The following EML1 variants were observed in gnomAD, a reference collection of about 807,000 sequenced individuals.
The protein encoded by EML1 is echinoderm microtubule-associated protein-like 1.
In EML1, 27 loss-of-function variants were observed where a neutral mutation model predicts 110.4. The ratio of observed to expected loss-of-function variants is 0.24; its 90% CI spans 0.18 to 0.34. The LOEUF (loss-of-function observed/expected upper bound fraction) is 0.34, where lower values mean the gene tolerates loss of function less well. Among genes scored for constraint, EML1 ranks in the 10% least tolerant of loss-of-function variants. The pLI is 1.00. For synonymous variants in EML1, 344 were observed against 385.8 expected, an observed-to-expected ratio of 0.89 and a Z score of 1.27; for missense variants, 741 against 1,030.9, an observed-to-expected ratio of 0.72 and a Z score of 3.85.
chr14:99,920,704 T>C (rs1445759598), intron 16 of EML1, 85 bp from the exon 17 acceptor site: 6 of 1,067,534 alleles, frequency 5.6e-6, no homozygotes, highest in Non-Finnish European at 8.1e-6. Context: ...CTTTTATGAT[T>C]AACAATTTTT....
At chr14:99,804,536 G>A (rs1170652831) in intron 1 of EML1, among the ~76,000 whole-genome samples, 3 of 152,170 alleles carry the variant, frequency 2.0e-5, no homozygotes, top group Admixed American at 1.3e-4. Context: ...CAGAGCTGGG[G>A]TTTGAAGCCA....
chr14:99,917,525 A>G (rs140679780), intron 15 of EML1, among the ~76,000 whole-genome samples: 64 of 152,220 alleles, frequency 4.2e-4, no homozygotes, highest in African/African-American at 1.5e-3. Flanking sequence ...ATGCCATTGT[A>G]CTCCAGCCTG....
At chr14:99,875,731 G>A (rs1311004332) in intron 3 of EML1, among the ~76,000 whole-genome samples, 1 of 152,180 alleles carries the variant, frequency 6.6e-6, no homozygotes, top group African/African-American at 2.4e-5. Flanking sequence ...ATCCTGCTAA[G>A]TCAAATTAGC....
chr14:99,925,893 C>A (rs924616350), intron 17 of EML1, among the ~76,000 whole-genome samples: 5 of 152,180 alleles, frequency 3.3e-5, no homozygotes, highest in African/African-American at 1.2e-4. Context: ...GCCCTCCCCA[C>A]CCAACTGCCC....
At chr14:99,920,653 A>G in intron 16 of EML1, 136 bp from the exon 17 acceptor site, 1 of 668,620 alleles carries the variant, frequency 1.5e-6, no homozygotes, top group African/African-American at 1.8e-5. Context: ...GAAAGCTGGG[A>G]ACAAGCTTTC....
chr14:99,863,269 T>G (rs2059032759), intron 2 of EML1, among the ~76,000 whole-genome samples: 1 of 152,186 alleles, frequency 6.6e-6, no homozygotes, highest in Non-Finnish European at 1.5e-5. Flanking sequence ...CCAAAATGAC[T>G]TAGGTCAGCA....
At chr14:99,850,115 A>G (rs893875657) in intron 1 of EML1, 1 of 310,882 alleles carries the variant, frequency 3.2e-6, no homozygotes, top group Non-Finnish European at 6.1e-6. Context: ...TTTTTTTGGT[A>G]TTTTGTAGAG....
upstream of EML1, among the ~76,000 whole-genome samples, chr14:99,788,645 G>T (rs2057626330): frequency 6.6e-6 from 1 of 152,106 alleles, no homozygotes. Context: ...GTGTGTGTGT[G>T]TGTGTATGTG....
chr14:99,885,740 A>G, intron 4 of EML1: 1 of 339,006 alleles, frequency 2.9e-6, no homozygotes, highest in Non-Finnish European at 5.8e-6. Flanking sequence ...CTGGAAATAC[A>G]AAGGTTTTTG....
intron 3 of EML1, among the ~76,000 whole-genome samples, chr14:99,871,205 C>T (rs1180763304): frequency 6.6e-6 from 1 of 152,200 alleles, no homozygotes; most frequent in Non-Finnish European, 1.5e-5. Context: ...GATCTGCCCT[C>T]CTCGGCCTCT....
In EML1 at chr14:99,929,790, G is replaced by A. The variant is rs563739451; in HGVS notation, c.1910-6239G>A. On this transcript the variant is annotated intron_variant, in intron 17 of 21. Transcript: ENST00000262233. Reference sequence around the variant, plus strand: ...TTCAGAAACCTGCTGCCAAGATCCCGGCCGAGATCTGTAGCCCATCTCCAA... The same window carrying A: ...TTCAGAAACCTGCTGCCAAGATCCCAGCCGAGATCTGTAGCCCATCTCCAA... Among the ~76,000 whole-genome samples the A allele has an allele frequency of 3.9e-5, 6 of 152,284 alleles. No individual in the cohort carries two copies. The East Asian group carries it at 7.7e-4, about 20-fold the overall frequency.
At chr14:99,737,806 G>A in exon 1 of EML1, 1 of 1,289,208 alleles carries the variant, frequency 7.8e-7, no homozygotes, top group East Asian at 5.6e-5. Context: ...CAGGCTGGTG[G>A]CCAGCCGGCC....
At chr14:99,866,630 A>G (rs991334345) in intron 3 of EML1, among the ~76,000 whole-genome samples, 6 of 150,460 alleles carry the variant, frequency 4.0e-5, no homozygotes, top group Non-Finnish European at 8.8e-5. Context: ...TCACGCATCT[A>G]TTGTTGTGCA....
At position 99,936,930 on chromosome 14, in the gene EML1, C is replaced by T. The variant is rs148284373; in HGVS notation, c.2095+596C>T. ...CTGCCACGTGCCCCACTCTGGGCCA[C>T]GCAGGGCGGCGCGTGGGCACAAGGA... On this transcript the variant is annotated intron_variant, in intron 19 of 21. Coordinates refer to ENST00000262233, the MANE Select transcript of EML1 (RefSeq NM_004434.3). This position sits in a 1 kb window ranked among gnomAD's most constrained non-coding sequence, Gnocchi z 5.5. Among the ~76,000 whole-genome samples the T allele has an allele frequency of 2.7e-3, 410 of 152,356 alleles. 2 individuals are homozygous for T. Among genetic ancestry groups the T allele is most frequent in the African/African-American group, 9.4e-3 (389 of 41,582 alleles).
chr14:99,783,119 G>T (rs1009545261), intron 1 of EML1, among the ~76,000 whole-genome samples: 3 of 150,508 alleles, frequency 2.0e-5, no homozygotes, highest in Non-Finnish European at 4.4e-5. Context: ...ATTAGGTATA[G>T]CTCCTAATGC....
chr14:99,845,513 A>G (rs1192339463), intron 1 of EML1, among the ~76,000 whole-genome samples: 2 of 152,250 alleles, frequency 1.3e-5, no homozygotes, highest in Non-Finnish European at 2.9e-5. Context: ...AAAGAATGGT[A>G]TATTTAGTTC....
intron 4 of EML1, among the ~76,000 whole-genome samples, chr14:99,880,134 A>G (rs2059360709): frequency 6.6e-6 from 1 of 152,226 alleles, no homozygotes; most frequent in Non-Finnish European, 1.5e-5. Context: ...TCAGGCAACT[A>G]AACATGTCCA....
chr14:99,934,223 G>C (rs1410028721), intron 17 of EML1, among the ~76,000 whole-genome samples: 1 of 152,260 alleles, frequency 6.6e-6, no homozygotes, highest in African/African-American at 2.4e-5. Flanking sequence ...TGCAGGCATT[G>C]AGTGCAGAGA....
intron 1 of EML1, among the ~76,000 whole-genome samples, chr14:99,757,798 A>T (rs1272260807): frequency 6.6e-6 from 1 of 152,228 alleles, no homozygotes; most frequent in African/African-American, 2.4e-5. Flanking sequence ...AAGCTCCCTG[A>T]ATAAAATGTG....
Sources: allele counts gnomAD v4.1 joint callset (sites outside exome capture counted in the v4.1 genomes callset), GRCh38; gene constraint gnomAD v4.1.1; non-coding constraint Gnocchi (gnomAD v3.1); transcripts MANE v1.5; gene names NCBI Gene and HGNC (gene_info 2026-07-23, HGNC 2026-07-21).